LOXL2: variants seen among roughly 807,000 people sequenced by gnomAD.
LOXL2 encodes lysyl oxidase homolog 2.
Under a neutral mutation model 93.0 loss-of-function variants are expected in LOXL2, and 70 were observed. The ratio of observed to expected loss-of-function variants is 0.75; its 90% CI spans 0.62 to 0.92. The LOEUF (loss-of-function observed/expected upper bound fraction) is 0.92, where lower values mean the gene tolerates loss of function less well. Ranked by LOEUF, LOXL2 falls within the 40% of genes least tolerant of loss-of-function variation. The pLI, the probability that LOXL2 is intolerant of heterozygous loss-of-function variation, is 0.00. For missense variants in LOXL2, 973 were observed against 1,054.9 expected (o/e 0.92, Z 1.08); for synonymous variants, 438 against 413.2 (o/e 1.06, Z -0.73).
intron 1 of LOXL2, among the ~76,000 whole-genome samples, chr8:23,381,394 A>G (rs1200391160): frequency 1.3e-5 from 2 of 152,200 alleles, no homozygotes; most frequent in East Asian, 1.9e-4. Context: ...TTGCAAAACT[A>G]TATGAACCAC....
rs143165355 is a variant in LOXL2, at chr8:23,388,696, A to T, written c.-84+15258T>A. Among the ~76,000 whole-genome samples the T allele has an allele frequency of 2.6e-3, 387 of 151,366 alleles. 2 individuals carry two copies. Among genetic ancestry groups the T allele is most frequent in the African/African-American group, 9.1e-3 (375 of 41,376 alleles). ...TAGAAATGTACATTTACTCCAAAGA[A>T]TATACAATATTAGCAAAAAGCTTAA... is the stretch of plus-strand genomic sequence containing the variant. On this transcript the variant is annotated intron_variant, in intron 1 of 13. Transcript: ENST00000389131.
chr8:23,306,042 C>T (rs542132487), intron 10 of LOXL2, among the ~76,000 whole-genome samples: 42 of 152,222 alleles, frequency 2.8e-4, no homozygotes, highest in African/African-American at 1.0e-3. Flanking sequence ...AACTCCTGAC[C>T]TCAAGTGATC....
intron 5 of LOXL2, among the ~76,000 whole-genome samples, chr8:23,332,448 CAG>C (rs1341986908): frequency 6.5e-5 from 9 of 138,994 alleles, no homozygotes; most frequent in African/African-American, 1.6e-4. Flanking sequence ...CACACTCCTA[CAG>C]ACACACCCAC....
Position 23,316,967 on chromosome 8 carries a change from C to T in LOXL2, c.1618G>A (p.Gly540Arg), listed in dbSNP as rs369018704. The T allele has an allele frequency of 2.0e-5, 32 of 1,599,772 alleles. No homozygotes were observed. Among genetic ancestry groups the T allele is most frequent in the Admixed American group, 8.8e-5 (5 of 56,964 alleles). ...CTCTCACTTTCTGAGCAGGCAACTCCGGCCCCGTACTGCACTCCGCCCTGG... is the reference window on the plus strand; with the variant it reads ...CTCTCACTTTCTGAGCAGGCAACTCTGGCCCCGTACTGCACTCCGCCCTGG... ...CPQGGVQYGA[G>R]VACSETAPDL... is the part of the protein sequence containing the mutation. Residue 540 changes from glycine to arginine, a missense_variant, in exon 9 of 14, where the codon GGA becomes AGA. Gly to Arg is a moderately radical substitution (Grantham distance 125, BLOSUM62 -2). Transcript: ENST00000389131.
chr8:23,333,411 T>C lies in LOXL2; in HGVS notation c.956A>G (p.Tyr319Cys), dbSNP rs1232945590. 9 of 1,613,802 alleles carry C rather than the reference T, an allele frequency of 5.6e-6. No individual in the cohort carries two copies. Among genetic ancestry groups the C allele is most frequent in the East Asian group, 4.5e-5 (2 of 44,880 alleles). ...GTGCCCCGTCCTCACCTCTGGCTTG[T>C]ACGCTTTCCGGAATCTTGAGGGTCC... is the stretch of plus-strand genomic sequence containing the variant. The part of the protein sequence containing the change: ...PDGPSRFRKA[Y>C]KPEQPLVRLR... Residue 319 changes from tyrosine to cysteine, a missense_variant, in exon 5 of 14, where the codon TAC becomes TGC. Physicochemically the swap from Tyr to Cys is radical, Grantham distance 194 (BLOSUM62 -2). Coordinates refer to ENST00000389131, the MANE Select transcript of LOXL2 (RefSeq NM_002318.3).
Position 23,328,365 on chromosome 8 carries a change from G to T in LOXL2, c.1150+17C>A. 2 of 1,612,812 alleles carry T rather than the reference G, an allele frequency of 1.2e-6. No individual in the cohort carries two copies. The highest frequency in any genetic ancestry group is 1.7e-6 in the Non-Finnish European group (2 of 1,179,490). ...CTCCCAGGAAGAGAGGCCCCCTCTA[G>T]CCTCCCCATTCCTTACCTTGCCCCA... On this transcript the variant is annotated intron_variant, in intron 6 of 13. Transcript: ENST00000389131.
intron 2 of LOXL2, among the ~76,000 whole-genome samples, chr8:23,367,090 C>T (rs140267641): frequency 8.5e-5 from 13 of 152,200 alleles, no homozygotes; most frequent in African/African-American, 3.1e-4. Flanking sequence ...GCTCTGTCAC[C>T]CAGGCTGGAG....
intron 3 of LOXL2, among the ~76,000 whole-genome samples, chr8:23,342,495 G>A (rs903139089): frequency 2.0e-5 from 3 of 150,474 alleles, no homozygotes; most frequent in Admixed American, 6.6e-5. Context: ...ACAGTGGCGC[G>A]ATCTCGGCTC....
chr8:23,361,427 G>A (rs923311557), intron 2 of LOXL2, among the ~76,000 whole-genome samples: 24 of 152,240 alleles, frequency 1.6e-4, no homozygotes, highest in Non-Finnish European at 3.1e-4. Context: ...GCCGCCAAGG[G>A]ACTCTGCTTA....
intron 1 of LOXL2, among the ~76,000 whole-genome samples, chr8:23,381,568 G>A (rs974441993): frequency 6.6e-5 from 10 of 152,208 alleles, no homozygotes; most frequent in Non-Finnish European, 1.3e-4. Context: ...CTAAGGAGGT[G>A]GAGCTTTTTC....
intron 1 of LOXL2, among the ~76,000 whole-genome samples, chr8:23,379,376 G>A (rs547815155): frequency 1.2e-4 from 19 of 152,304 alleles, no homozygotes; most frequent in African/African-American, 4.6e-4. Flanking sequence ...TAGGCTACTC[G>A]GGGGTCAGGG....
At chr8:23,398,913 G>A (rs1800126153) in intron 1 of LOXL2, among the ~76,000 whole-genome samples, 1 of 152,162 alleles carries the variant, frequency 6.6e-6, no homozygotes. Context: ...TAGAAGGGCT[G>A]CCAATACGCT....
intron 4 of LOXL2, among the ~76,000 whole-genome samples, chr8:23,339,708 G>A (rs1338603664): frequency 1.3e-5 from 2 of 152,216 alleles, no homozygotes; most frequent in Non-Finnish European, 2.9e-5. Flanking sequence ...GGAAGGAGTC[G>A]GGTGGGAGTT....
At chr8:23,403,692 C>T (rs774457053) in intron 1 of LOXL2, among the ~76,000 whole-genome samples, 1 of 151,924 alleles carries the variant, frequency 6.6e-6, no homozygotes, top group Non-Finnish European at 1.5e-5. Context: ...ATCCAGGGAC[C>T]CAGCGCCTCG....
chr8:23,312,128 A>G (rs1417228245), intron 9 of LOXL2, among the ~76,000 whole-genome samples: 1 of 152,208 alleles, frequency 6.6e-6, no homozygotes, highest in African/African-American at 2.4e-5. Context: ...ATAGACCAAT[A>G]ACAGGATCTG....
intron 10 of LOXL2, among the ~76,000 whole-genome samples, 153 bp from the exon 11 acceptor site, chr8:23,303,550 G>A (rs1803176776): frequency 6.6e-6 from 1 of 152,160 alleles, no homozygotes; most frequent in South Asian, 2.1e-4. Context: ...CTGAGGAAAG[G>A]AAAGCCGGTG....
chr8:23,320,154 G>A, intron 7 of LOXL2, 102 bp from the exon 8 acceptor site: 1 of 1,251,624 alleles, frequency 8.0e-7, no homozygotes, highest in Non-Finnish European at 1.1e-6. Flanking sequence ...GCCAGGTGGT[G>A]CTGCCCGGGA....
At chr8:23,385,046 G>A (rs993326680) in intron 1 of LOXL2, among the ~76,000 whole-genome samples, 17 of 149,212 alleles carry the variant, frequency 1.1e-4, no homozygotes, top group South Asian at 6.4e-4. Context: ...ACTGGAGGGA[G>A]CAATTCCACA....
intron 10 of LOXL2, among the ~76,000 whole-genome samples, chr8:23,305,506 C>T (rs1213772444): frequency 6.6e-6 from 1 of 150,886 alleles, no homozygotes; most frequent in African/African-American, 2.4e-5. Flanking sequence ...AGAGCCCCCC[C>T]ACACCCCCCG....
Sources: gnomAD v4.1 joint callset for allele counts (sites outside exome capture counted in the v4.1 genomes callset) on GRCh38, gnomAD v4.1.1 for gene constraint, MANE v1.5 for transcripts, NCBI Gene and HGNC (gene_info 2026-07-23, HGNC 2026-07-21) for gene names.